RNLS: variants seen among roughly 807,000 people sequenced by gnomAD.
The protein encoded by RNLS is renalase, FAD dependent amine oxidase, also known as renalase.
Under a neutral mutation model 39.8 loss-of-function variants are expected in RNLS, and 39 were observed. The observed-to-expected ratio is 0.98, with a 90% CI of 0.76 to 1.28. The LOEUF is 1.28. RNLS is among the 50% of genes most tolerant of loss of function. RNLS has a pLI of 0.00. For missense variants in RNLS, 410 were observed against 413.3 expected, an observed-to-expected ratio of 0.99 and a Z score of 0.07; for synonymous variants, 147 against 150.7, an observed-to-expected ratio of 0.98 and a Z score of 0.18.
chr10:88,299,414 G>A (rs1844340770), intron 6 of RNLS, among the ~76,000 whole-genome samples: 1 of 152,132 alleles, frequency 6.6e-6, no homozygotes, highest in Admixed American at 6.5e-5. Context: ...CTTGAGGTCA[G>A]GAGTTTAAGA....
At chr10:88,535,614 A>G (rs1249396742) in intron 4 of RNLS, among the ~76,000 whole-genome samples, 1 of 152,160 alleles carries the variant, frequency 6.6e-6, no homozygotes, top group Non-Finnish European at 1.5e-5. Context: ...AAAGATAAAA[A>G]AAACCTAGGT....
chr10:88,304,566 A>C (rs1844782175), intron 6 of RNLS, among the ~76,000 whole-genome samples: 1 of 152,242 alleles, frequency 6.6e-6, no homozygotes, highest in Admixed American at 6.5e-5. Context: ...TAGCAGCAGA[A>C]TAGACCAAGT....
At chr10:88,500,634 T>C (rs927748670) in intron 4 of RNLS, among the ~76,000 whole-genome samples, 1 of 152,104 alleles carries the variant, frequency 6.6e-6, no homozygotes, top group African/African-American at 2.4e-5. Flanking sequence ...TCTCTGAAAA[T>C]AGAAATATAT....
chr10:88,556,215 A>G (rs1001539748), intron 4 of RNLS, among the ~76,000 whole-genome samples: 1 of 152,126 alleles, frequency 6.6e-6, no homozygotes, highest in Non-Finnish European at 1.5e-5. Flanking sequence ...GTCACAGTCC[A>G]TATCTATACA....
rs1396667073 is a variant in RNLS at position 88,544,071 on chromosome 10, C to G, written c.526+28832G>C. On this transcript the variant is annotated intron_variant, in intron 4 of 6. Coordinates refer to ENST00000331772, the MANE Select transcript of RNLS (RefSeq NM_001031709.3). The stretch of plus-strand genomic sequence containing the variant: ...TCTGTGACTTTGGGCAAGCTACTTA[C>G]CTTTTCCATACTTAAGTTCATCAGG... Among the ~76,000 whole-genome samples the G allele has an allele frequency of 3.9e-5, 6 of 152,164 alleles. 1 individual carries two copies. The South Asian group carries it at 6.2e-4, about 16-fold the overall frequency.
At chr10:88,265,058 T>G in the RNLS span, among the ~76,000 whole-genome samples, 1 of 152,160 alleles carries the variant, frequency 6.6e-6, no homozygotes, top group African/African-American at 2.4e-5. Flanking sequence ...ACATGTGGCT[T>G]GCCAATTAGC....
chr10:88,263,942 C>A, the RNLS span, among the ~76,000 whole-genome samples: 1 of 152,130 alleles, frequency 6.6e-6, no homozygotes, highest in Admixed American at 6.5e-5. Flanking sequence ...ACACTGTACC[C>A]AATGTGTAGC....
At chr10:88,288,402 AC>A (rs1470237503) in intron 6 of RNLS, among the ~76,000 whole-genome samples, 1 of 152,124 alleles carries the variant, frequency 6.6e-6, no homozygotes, top group African/African-American at 2.4e-5. Flanking sequence ...GTAAAACAAA[AC>A]AAAAATTTTT....
At chr10:88,544,060 C>T (rs547382437) in intron 4 of RNLS, among the ~76,000 whole-genome samples, 59 of 152,158 alleles carry the variant, frequency 3.9e-4, no homozygotes, top group South Asian at 1.2e-3. Flanking sequence ...TGACTTTGGG[C>T]AAGCTACTTA....
intron 4 of RNLS, among the ~76,000 whole-genome samples, chr10:88,491,676 A>G (rs1021202225): frequency 6.6e-6 from 1 of 152,206 alleles, no homozygotes; most frequent in Non-Finnish European, 1.5e-5. Context: ...TTAATTTCTT[A>G]TTAGCTTACT....
At chr10:88,537,465 A>G (rs924176700) in intron 4 of RNLS, among the ~76,000 whole-genome samples, 3 of 152,224 alleles carry the variant, frequency 2.0e-5, no homozygotes, top group African/African-American at 7.2e-5. Flanking sequence ...AATGCCCACC[A>G]AGGGTGAAAT....
downstream of RNLS, among the ~76,000 whole-genome samples, chr10:88,272,827 G>A (rs1842685721): frequency 6.6e-6 from 1 of 152,172 alleles, no homozygotes; most frequent in African/African-American, 2.4e-5. Flanking sequence ...GTTGGAAGCT[G>A]CCTTGAAAGT....
At chr10:88,453,574 T>G (rs1401315888) in intron 4 of RNLS, among the ~76,000 whole-genome samples, 1 of 152,236 alleles carries the variant, frequency 6.6e-6, no homozygotes, top group Non-Finnish European at 1.5e-5. Context: ...ATGCAAATCT[T>G]GTCCAGAGCC....
At chr10:88,513,181 G>C (rs745544732) in intron 4 of RNLS, among the ~76,000 whole-genome samples, 3 of 152,076 alleles carry the variant, frequency 2.0e-5, no homozygotes, top group Non-Finnish European at 4.4e-5. Context: ...CAGCCTTTCA[G>C]AGCCATTATA....
At chr10:88,351,796 G>C (rs944269775) in intron 5 of RNLS, among the ~76,000 whole-genome samples, 1 of 152,174 alleles carries the variant, frequency 6.6e-6, no homozygotes, top group Non-Finnish European at 1.5e-5. Flanking sequence ...ACCTTGGGCA[G>C]TATGGCCATT....
At chr10:88,320,361 A>G (rs1846087627) in intron 5 of RNLS, among the ~76,000 whole-genome samples, 2 of 151,878 alleles carry the variant, frequency 1.3e-5, no homozygotes, top group African/African-American at 4.8e-5. Flanking sequence ...GCCAAAGTAC[A>G]CGGATCCTAT....
chr10:88,282,177 A>T (rs1175023122), downstream of RNLS, among the ~76,000 whole-genome samples: 2 of 152,154 alleles, frequency 1.3e-5, no homozygotes, highest in Non-Finnish European at 2.9e-5. Context: ...ACTCCTGTAT[A>T]TATCACATCA....
At chr10:88,476,399 A>G (rs1248965252) in intron 4 of RNLS, among the ~76,000 whole-genome samples, 3 of 152,194 alleles carry the variant, frequency 2.0e-5, no homozygotes, top group Non-Finnish European at 4.4e-5. Flanking sequence ...AATTACACAT[A>G]GTTTGCTGAT....
At chr10:88,296,710 G>C (rs893566936) in intron 6 of RNLS, among the ~76,000 whole-genome samples, 3 of 152,044 alleles carry the variant, frequency 2.0e-5, no homozygotes, top group African/African-American at 7.2e-5. Context: ...TTTATTTTTT[G>C]TGTGTATTGT....
Sources: gnomAD v4.1 joint callset for allele counts (sites outside exome capture counted in the v4.1 genomes callset) on GRCh38, gnomAD v4.1.1 for gene constraint, MANE v1.5 for transcripts, NCBI Gene and HGNC (gene_info 2026-07-23, HGNC 2026-07-21) for gene names.